The following SEMA3E variants were observed in gnomAD, a reference collection of about 807,000 sequenced individuals.
The protein encoded by SEMA3E is semaphorin-3E.
In SEMA3E, 49 loss-of-function variants were observed where a neutral mutation model predicts 93.6. The observed-to-expected ratio is 0.52, with a 90% CI of 0.42 to 0.66. The LOEUF (loss-of-function observed/expected upper bound fraction) is 0.66, where lower values mean the gene tolerates loss of function less well. Among genes scored for constraint, SEMA3E ranks in the 30% least tolerant of loss-of-function variants. The pLI, the probability that SEMA3E is intolerant of heterozygous loss-of-function variation, is 0.00. For missense variants in SEMA3E, 906 were observed against 964.8 expected (o/e 0.94, Z 0.81); for synonymous variants, 363 against 330.7 (o/e 1.10, Z -1.06).
rs1398880118 is a variant in SEMA3E at position 83,366,672 on chromosome 7, C to T, written c.*914G>A. The T allele has an allele frequency of 6.6e-6, 1 of 152,032 alleles. No homozygotes were observed. Among genetic ancestry groups the T allele is most frequent in the African/African-American group, 2.4e-5 (1 of 41,422 alleles). The allele number at this position is 152,032 out of a possible 1,614,324, so 9.4% of individuals were successfully genotyped here. A position where few individuals can be genotyped will look rare whatever the true frequency, so the allele number is the denominator to read the frequency against. On this transcript the variant is annotated 3_prime_UTR_variant, in exon 17 of 17. Coordinates refer to ENST00000643230, the MANE Select transcript of SEMA3E (RefSeq NM_012431.3). ...TATTAAAGTATGATACAAGGATTAA[C>T]ATGTTTTTTATTTCAGTTATTTGTT...
At chr7:83,635,314 A>G (rs1006439396) in intron 1 of SEMA3E, among the ~76,000 whole-genome samples, 2 of 151,910 alleles carry the variant, frequency 1.3e-5, no homozygotes, top group Non-Finnish European at 2.9e-5. Context: ...CTTTAAACAT[A>G]TATCATTTTT....
At chr7:83,446,596 T>C (rs1584254171) in intron 4 of SEMA3E, among the ~76,000 whole-genome samples, 1 of 152,174 alleles carries the variant, frequency 6.6e-6, no homozygotes, top group Admixed American at 6.5e-5. Context: ...CAGTGGAAGG[T>C]ATAGATTCAC....
Position 83,367,737 on chromosome 7 carries a change from T to C in SEMA3E, c.2177A>G (p.Glu726Gly), listed in dbSNP as rs1017589402. 4.3e-6 allele frequency: 7 copies of C among 1,613,982 alleles called. No homozygotes were observed. In the East Asian group the frequency reaches 1.3e-4, roughly 31 times the overall value. The change falls in exon 17 of 17, where the codon GAA (glutamate) becomes GGA (glycine). Residue 726 changes from glutamate (E) to glycine (G), a missense_variant. Physicochemically the swap from Glu to Gly is moderately conservative, Grantham distance 98. Coordinates refer to ENST00000643230, the MANE Select transcript of SEMA3E (RefSeq NM_012431.3). ...GCACCATACTTTCTCGCAGTATTCT[T>C]CCACTCTCTGGAAGTTGCTATAACC... ...LIGYSNFQRV[E>G]EYCEKVWCTD...
chr7:83,486,689 A>G (rs573556533), intron 2 of SEMA3E, among the ~76,000 whole-genome samples: 1 of 152,298 alleles, frequency 6.6e-6, no homozygotes, highest in South Asian at 2.1e-4. Context: ...GTACAAAATA[A>G]GAAATGCAGG....
At chr7:83,383,482 T>C (rs530972447) in intron 16 of SEMA3E, among the ~76,000 whole-genome samples, 12 of 151,986 alleles carry the variant, frequency 7.9e-5, no homozygotes, top group Non-Finnish European at 1.3e-4. Flanking sequence ...TTGTGTTTTG[T>C]TTTATATTGT....
At chr7:83,502,255 CCACCAATCAGTT>C (rs1337763911) in intron 1 of SEMA3E, among the ~76,000 whole-genome samples, 2 of 152,294 alleles carry the variant, frequency 1.3e-5, no homozygotes, top group African/African-American at 4.8e-5. Flanking sequence ...CCCTCGACCA[CCACCAATCAGTT>C]CACCTCACAG....
intron 1 of SEMA3E, among the ~76,000 whole-genome samples, chr7:83,587,744 C>A (rs575680585): frequency 1.7e-3 from 258 of 151,700 alleles, no homozygotes; most frequent in Middle Eastern, 0.01. Context: ...AGAAAAATGA[C>A]AGTATAAATA....
chr7:83,389,645 T>C (rs1787953092), intron 14 of SEMA3E, among the ~76,000 whole-genome samples: 1 of 151,188 alleles, frequency 6.6e-6, no homozygotes, highest in Non-Finnish European at 1.5e-5. Flanking sequence ...CATACACGTA[T>C]ATATTACATG....
intron 16 of SEMA3E, among the ~76,000 whole-genome samples, chr7:83,378,241 A>ATG (rs1278129837): frequency 6.6e-6 from 1 of 151,926 alleles, no homozygotes; most frequent in Non-Finnish European, 1.5e-5. Flanking sequence ...ATCCACATAA[A>ATG]TGAATCATTT....
chr7:83,565,993 C>CTG (rs1562835030), intron 1 of SEMA3E, among the ~76,000 whole-genome samples: 1 of 111,568 alleles, frequency 9.0e-6, no homozygotes, highest in African/African-American at 3.7e-5. Context: ...AATGTTTCCA[C>CTG]TCTTTTTTTT....
At chr7:83,509,381 T>G (rs2115640447) in intron 1 of SEMA3E, among the ~76,000 whole-genome samples, 1 of 152,276 alleles carries the variant, frequency 6.6e-6, no homozygotes, top group African/African-American at 2.4e-5. Flanking sequence ...TTTGCTATTT[T>G]GCTGCAATAA....
At chr7:83,516,855 G>GGAAACTACAATAATAAATTTTA (rs567302767) in intron 1 of SEMA3E, among the ~76,000 whole-genome samples, 179 of 150,812 alleles carry the variant, frequency 1.2e-3, no homozygotes, top group African/African-American at 4.0e-3. Context: ...TACCTTCCAG[G>GGAAACTACAATAATAAATTTTA]GAAACTACAA....
At chr7:83,568,826 C>T (rs899945642) in intron 1 of SEMA3E, among the ~76,000 whole-genome samples, 1 of 152,058 alleles carries the variant, frequency 6.6e-6, no homozygotes, top group Non-Finnish European at 1.5e-5. Flanking sequence ...GGCAAGGATG[C>T]CCTCTTTTAC....
chr7:83,536,251 C>CT (rs1791408590), intron 1 of SEMA3E, among the ~76,000 whole-genome samples: 1 of 151,512 alleles, frequency 6.6e-6, no homozygotes, highest in Non-Finnish European at 1.5e-5. Context: ...ACTGAATCTC[C>CT]GTTTAAAGGG....
At chr7:83,602,484 A>G (rs1037335089) in intron 1 of SEMA3E, among the ~76,000 whole-genome samples, 3 of 104,720 alleles carry the variant, frequency 2.9e-5, no homozygotes, top group Non-Finnish European at 4.1e-5. Flanking sequence ...ATTTAGAAGC[A>G]CTTTTTTTTT....
Position 83,510,229 on chromosome 7 carries a change from G to C in SEMA3E, c.116-19955C>G, listed in dbSNP as rs192049647. Among the ~76,000 whole-genome samples, 39 of 152,242 alleles carry C rather than the reference G, an allele frequency of 2.6e-4. 1 individual carries two copies. The highest frequency in any genetic ancestry group is 2.4e-3 in the Admixed American group (36 of 15,278). On this transcript the variant is annotated intron_variant, in intron 1 of 16. Transcript: ENST00000643230. ...TTTAATTAAGCAAGTGTTTATTTTA[G>C]AGGAATTAGAAAATACTCATAGACC...
At chr7:83,479,482 AC>A (rs1206522291) in intron 2 of SEMA3E, among the ~76,000 whole-genome samples, 2 of 152,168 alleles carry the variant, frequency 1.3e-5, no homozygotes, top group Non-Finnish European at 2.9e-5. Flanking sequence ...GTTAAGTAAC[AC>A]CTAAAAATAT....
chr7:83,425,938 C>CAAAAGA (rs367807095), intron 4 of SEMA3E, among the ~76,000 whole-genome samples: 51,286 of 151,836 alleles, frequency 0.34, 10,191 homozygotes, highest in African/African-American at 0.54. Flanking sequence ...CAAATTCTTT[C>CAAAAGA]ATACATACAA....
At chr7:83,468,161 G>T (rs553597602) in intron 3 of SEMA3E, among the ~76,000 whole-genome samples, 1 of 152,292 alleles carries the variant, frequency 6.6e-6, no homozygotes, top group East Asian at 1.9e-4. Flanking sequence ...GAATCACTTG[G>T]CTAGAATGAG....
Sources: allele counts gnomAD v4.1 joint callset (sites outside exome capture counted in the v4.1 genomes callset), GRCh38; gene constraint gnomAD v4.1.1; transcripts MANE v1.5; gene names NCBI Gene and HGNC (gene_info 2026-07-23, HGNC 2026-07-21).